Variants in RALGPS1 observed in about 807,000 individuals in gnomAD.
RALGPS1 encodes ras-specific guanine nucleotide-releasing factor RalGPS1.
RALGPS1 carries 19 observed loss-of-function variants against 78.8 expected under a neutral mutation model. The observed-to-expected ratio is 0.24, with a 90% CI of 0.17 to 0.35. The LOEUF (loss-of-function observed/expected upper bound fraction) is 0.35. RALGPS1 is among the 10% of genes least tolerant of loss of function. The pLI is 1.00. For missense variants in RALGPS1, 454 were observed against 688.3 expected, an observed-to-expected ratio of 0.66 and a Z score of 3.81; for synonymous variants, 228 against 256.3, an observed-to-expected ratio of 0.89 and a Z score of 1.06.
chr9:126,982,960 G>A lies in RALGPS1; in HGVS notation c.216+5215G>A, dbSNP rs1451301804. Among the ~76,000 whole-genome samples, 12 of 85,766 alleles carry A rather than the reference G, an allele frequency of 1.4e-4. No homozygotes were observed. In the East Asian group the frequency reaches 4.9e-3, roughly 35 times the overall value. 56.3% of individuals were successfully genotyped at this position (85,766 alleles called of 152,430 possible). On this transcript the variant is annotated intron_variant, in intron 4 of 18. Transcript: ENST00000259351. ...TTTTTTTTTTTTTTTTTTTGAGGTG[G>A]AGTTTCGCTCTTGTTGCCCAGGCTG...
chr9:127,119,110 G>A (rs893060873), intron 8 of RALGPS1, among the ~76,000 whole-genome samples: 2 of 152,156 alleles, frequency 1.3e-5, no homozygotes, highest in East Asian at 1.9e-4. Context: ...AGACAGTATC[G>A]CAGAGCACCC....
chr9:126,940,957 T>TG (rs779964064), intron 1 of RALGPS1, among the ~76,000 whole-genome samples: 31 of 152,220 alleles, frequency 2.0e-4, no homozygotes, highest in Admixed American at 1.8e-3. Flanking sequence ...CAGAAAATAT[T>TG]GAAGTGTACA....
chr9:127,174,211 C>A (rs540691881), intron 10 of RALGPS1, among the ~76,000 whole-genome samples: 2 of 142,294 alleles, frequency 1.4e-5, no homozygotes, highest in Admixed American at 1.5e-4. Context: ...GAGCAAGACT[C>A]CATCAAAAGA....
chr9:126,954,491 A>T (rs767591673), intron 1 of RALGPS1, among the ~76,000 whole-genome samples: 29 of 152,318 alleles, frequency 1.9e-4, no homozygotes, highest in Non-Finnish European at 3.8e-4. Context: ...CCCCTGCTCA[A>T]CACTCTCTAG....
At chr9:127,071,378 A>G (rs1280589338) in intron 8 of RALGPS1, among the ~76,000 whole-genome samples, 1 of 152,150 alleles carries the variant, frequency 6.6e-6, no homozygotes, top group Non-Finnish European at 1.5e-5. Context: ...ACATCTTGCA[A>G]TTGATAACAA....
At chr9:126,947,823 G>GA (rs1163935548) in intron 1 of RALGPS1, among the ~76,000 whole-genome samples, 1 of 152,210 alleles carries the variant, frequency 6.6e-6, no homozygotes, top group Admixed American at 6.5e-5. Flanking sequence ...CTTGTCTATA[G>GA]AATGAAGGGT....
chr9:126,918,018 G>A (rs1200140323), intron 1 of RALGPS1, among the ~76,000 whole-genome samples: 2 of 152,152 alleles, frequency 1.3e-5, no homozygotes, highest in Admixed American at 6.5e-5. Context: ...GCCATAGTAG[G>A]TGCTCACCGA....
chr9:127,012,937 G>A (rs1208474435), intron 4 of RALGPS1, among the ~76,000 whole-genome samples: 1 of 152,134 alleles, frequency 6.6e-6, no homozygotes, highest in Non-Finnish European at 1.5e-5. Flanking sequence ...GGTCTAATGG[G>A]AAAGGTAAGA....
intron 4 of RALGPS1, among the ~76,000 whole-genome samples, chr9:127,021,627 CTTT>C (rs58796181): frequency 5.3e-5 from 7 of 131,982 alleles, no homozygotes; most frequent in Non-Finnish European, 4.8e-5. Context: ...TCTTCTTCTT[CTTT>C]TTTTTTTTTT....
chr9:127,049,845 G>T (rs2048142090), intron 5 of RALGPS1, among the ~76,000 whole-genome samples, 198 bp from the exon 6 acceptor site: 1 of 152,226 alleles, frequency 6.6e-6, no homozygotes, highest in Non-Finnish European at 1.5e-5. Context: ...GAGACAGGGT[G>T]CTGAGAACAC....
intron 14 of RALGPS1, among the ~76,000 whole-genome samples, chr9:127,208,933 C>T (rs1283134200): frequency 1.3e-5 from 2 of 152,172 alleles, no homozygotes; most frequent in African/African-American, 4.8e-5. Flanking sequence ...CCGGACAGTC[C>T]ACTGGCATCA....
intron 8 of RALGPS1, among the ~76,000 whole-genome samples, chr9:127,125,258 G>C (rs546545307): frequency 3.3e-5 from 5 of 152,318 alleles, no homozygotes; most frequent in East Asian, 3.9e-4. Context: ...TGCTTCCTTC[G>C]TTGGGCTGTG....
At chr9:127,012,849 C>T (rs909804859) in intron 4 of RALGPS1, among the ~76,000 whole-genome samples, 8 of 152,134 alleles carry the variant, frequency 5.3e-5, no homozygotes, top group African/African-American at 1.9e-4. Flanking sequence ...TGTTCAGCAC[C>T]TATTGACCAG....
At chr9:127,162,302 G>A (rs2059065330) in intron 8 of RALGPS1, among the ~76,000 whole-genome samples, 1 of 152,176 alleles carries the variant, frequency 6.6e-6, no homozygotes, top group African/African-American at 2.4e-5. Context: ...GTGCGGTTGT[G>A]GGGTGTGCCA....
chr9:126,963,175 C>T (rs1467045817), intron 2 of RALGPS1, among the ~76,000 whole-genome samples: 3 of 152,166 alleles, frequency 2.0e-5, no homozygotes, highest in Admixed American at 6.5e-5. Context: ...TTGATCAACA[C>T]GTCCCCTTGT....
intron 4 of RALGPS1, among the ~76,000 whole-genome samples, chr9:127,019,803 A>G (rs2045270999): frequency 6.6e-6 from 1 of 151,838 alleles, no homozygotes; most frequent in Admixed American, 6.6e-5. Context: ...ACAGGTAAAC[A>G]TGTGTCATGG....
intron 8 of RALGPS1, among the ~76,000 whole-genome samples, chr9:127,105,291 C>T (rs2054114176): frequency 6.6e-6 from 1 of 152,180 alleles, no homozygotes; most frequent in Non-Finnish European, 1.5e-5. Context: ...CCCATGACGG[C>T]GTGCTTTCTT....
chr9:127,041,952 A>G (rs2047357520), intron 5 of RALGPS1, among the ~76,000 whole-genome samples: 1 of 152,214 alleles, frequency 6.6e-6, no homozygotes, highest in South Asian at 2.1e-4. Flanking sequence ...GTAGAACACC[A>G]TGCAGCTGTC....
At chr9:126,915,225 G>T (rs1347013278) in intron 1 of RALGPS1, among the ~76,000 whole-genome samples, 1 of 143,298 alleles carries the variant, frequency 7.0e-6, no homozygotes, top group African/African-American at 2.5e-5. Context: ...CCAGGGGCGC[G>T]CTGGTCCCCG....
Sources: gnomAD v4.1 joint callset for allele counts (sites outside exome capture counted in the v4.1 genomes callset) on GRCh38, gnomAD v4.1.1 for gene constraint, MANE v1.5 for transcripts, NCBI Gene and HGNC (gene_info 2026-07-23, HGNC 2026-07-21) for gene names.